The following NEDD4 variants were observed in gnomAD, a reference collection of about 807,000 sequenced individuals.
NEDD4 encodes E3 ubiquitin-protein ligase NEDD4.
A neutral mutation model predicts 144.9 loss-of-function variants in NEDD4; 99 were observed. The observed-to-expected ratio is 0.68, with a 90% CI of 0.58 to 0.81. The LOEUF (loss-of-function observed/expected upper bound fraction) is 0.81. Ranked by LOEUF, NEDD4 falls within the 30% of genes least tolerant of loss-of-function variation. The pLI is 0.00. For missense variants in NEDD4, 985 were observed against 1,065.9 expected, an observed-to-expected ratio of 0.92 and a Z score of 1.06; for synonymous variants, 318 against 350.6, an observed-to-expected ratio of 0.91 and a Z score of 1.04.
chr15:55,927,154 G>A (rs2036690116), intron 4 of NEDD4, among the ~76,000 whole-genome samples: 2 of 149,988 alleles, frequency 1.3e-5, no homozygotes, highest in African/African-American at 2.5e-5. Context: ...AGAAGATGTA[G>A]AAGAACTTTT....
intron 5 of NEDD4, among the ~76,000 whole-genome samples, chr15:55,906,435 T>C (rs1305475535): frequency 6.6e-6 from 1 of 152,150 alleles, no homozygotes; most frequent in East Asian, 1.9e-4. Flanking sequence ...ATATACACCA[T>C]GGAATACTAT....
intron 24 of NEDD4, among the ~76,000 whole-genome samples, 155 bp from the exon 25 acceptor site, chr15:55,834,441 A>C (rs559783686): frequency 6.6e-6 from 1 of 152,338 alleles, no homozygotes; most frequent in Admixed American, 6.5e-5. Context: ...TATTGGCCAG[A>C]AAATGTACAT....
At chr15:55,985,361 A>G (rs1244800503) in intron 1 of NEDD4, among the ~76,000 whole-genome samples, 1 of 152,192 alleles carries the variant, frequency 6.6e-6, no homozygotes, top group African/African-American at 2.4e-5. Flanking sequence ...TGAGGGGAGG[A>G]GGGAGATACC....
intron 1 of NEDD4, among the ~76,000 whole-genome samples, chr15:55,980,910 A>T (rs2037789801): frequency 6.6e-6 from 1 of 152,216 alleles, no homozygotes; most frequent in South Asian, 2.1e-4. Flanking sequence ...CAAACAAAAA[A>T]TGTGAAATAA....
intron 8 of NEDD4, among the ~76,000 whole-genome samples, chr15:55,866,705 A>G (rs571953435): frequency 6.6e-6 from 1 of 152,256 alleles, no homozygotes; most frequent in Admixed American, 6.5e-5. Flanking sequence ...ATATTATCTG[A>G]GTAAATTCAG....
At chr15:55,853,543 C>A (rs1340203812) in intron 12 of NEDD4, among the ~76,000 whole-genome samples, 2 of 152,156 alleles carry the variant, frequency 1.3e-5, no homozygotes, top group Non-Finnish European at 2.9e-5. Flanking sequence ...GAGATTTGAA[C>A]CCAGGTAATC....
chr15:55,934,294 T>C (rs1482787002), intron 4 of NEDD4, among the ~76,000 whole-genome samples: 1 of 152,254 alleles, frequency 6.6e-6, no homozygotes, highest in East Asian at 1.9e-4. Context: ...CTTGTATCAA[T>C]ACTTCATTCC....
At chr15:55,929,772 G>C (rs1397272892) in intron 4 of NEDD4, among the ~76,000 whole-genome samples, 1 of 152,218 alleles carries the variant, frequency 6.6e-6, no homozygotes, top group African/African-American at 2.4e-5. Context: ...TAGAAAAACT[G>C]TCCTCAAAGG....
At chr15:55,854,760 A>G (rs2034126681) in intron 12 of NEDD4, among the ~76,000 whole-genome samples, 1 of 152,022 alleles carries the variant, frequency 6.6e-6, no homozygotes, top group East Asian at 1.9e-4. Context: ...TGTAAATTAT[A>G]CTCCAAGAAA....
intron 1 of NEDD4, chr15:55,991,882 A>C (rs2037994197): frequency 1.3e-5 from 2 of 152,376 alleles, no homozygotes; most frequent in South Asian, 4.1e-4. Flanking sequence ...AATTAAAAAC[A>C]CTGATCATGT....
In NEDD4 at chr15:55,860,476, A is replaced by C. The variant is rs1162519645; in HGVS notation, c.891T>G (p.Leu297=). The change falls in exon 11 of 29, where the codon CTT becomes CTG. Residue 297 remains leucine, a synonymous_variant. Transcript: ENST00000435532. ...PSSNLDVPTH[L]AEELNARLTI... Reference sequence around the variant, plus strand: ...TGAGTCTGGCATTCAATTCTTCTGCAAGATGAGTTGGAACATCCAAGTTAC... The same window carrying C: ...TGAGTCTGGCATTCAATTCTTCTGCCAGATGAGTTGGAACATCCAAGTTAC... 2 of 1,614,064 alleles carry C rather than the reference A, an allele frequency of 1.2e-6. No individual in the cohort carries two copies. The highest frequency in any genetic ancestry group is 1.7e-6 in the Non-Finnish European group (2 of 1,180,010).
At chr15:55,873,860 GATAA>G (rs1393507927) in intron 6 of NEDD4, 94 bp downstream of exon 6, 1 of 521,592 alleles carries the variant, frequency 1.9e-6, no homozygotes, top group African/African-American at 2.0e-5. Flanking sequence ...GTATACATTT[GATAA>G]ATCAATTATT....
At chr15:55,966,160 T>C (rs2037509358) in intron 2 of NEDD4, among the ~76,000 whole-genome samples, 1 of 152,222 alleles carries the variant, frequency 6.6e-6, no homozygotes, top group African/African-American at 2.4e-5. Flanking sequence ...AGGTTGCTGC[T>C]TTTTGTATTA....
At chr15:55,850,937 A>C (rs1410456463) in intron 13 of NEDD4, among the ~76,000 whole-genome samples, 195 bp from the exon 14 acceptor site, 1 of 152,192 alleles carries the variant, frequency 6.6e-6, no homozygotes, top group Non-Finnish European at 1.5e-5. Flanking sequence ...CATTACATTT[A>C]ATAACATTTT....
At chr15:55,961,325 G>C (rs1566970033) in intron 2 of NEDD4, among the ~76,000 whole-genome samples, 1 of 151,388 alleles carries the variant, frequency 6.6e-6, no homozygotes, top group Non-Finnish European at 1.5e-5. Context: ...GAAAAAATTA[G>C]AAAAAAAGTA....
intron 5 of NEDD4, among the ~76,000 whole-genome samples, chr15:55,892,542 T>G (rs993271493): frequency 7.2e-5 from 11 of 152,138 alleles, no homozygotes; most frequent in Non-Finnish European, 1.5e-4. Flanking sequence ...GTTTTCAGAT[T>G]TAGCTATCAG....
At chr15:55,905,628 A>C (rs1228572297) in intron 5 of NEDD4, among the ~76,000 whole-genome samples, 6 of 152,254 alleles carry the variant, frequency 3.9e-5, no homozygotes, top group Non-Finnish European at 8.8e-5. Flanking sequence ...TGTATTCATA[A>C]AAACAAGTAG....
In NEDD4 at chr15:55,862,984, C is replaced by T. The variant is rs2034461062; in HGVS notation, c.603G>A (p.Gln201=). 1.2e-6 allele frequency: 2 copies of T among 1,607,098 alleles called. No individual in the cohort carries two copies. The highest frequency in any genetic ancestry group is 1.7e-6 in the Non-Finnish European group (2 of 1,175,340). Reference sequence around the variant, plus strand: ...CATAATAGGTCCTTCCAAGGATATCCTGCCTCTCTTCCCACCCTGGAGGTA... The same window carrying T: ...CATAATAGGTCCTTCCAAGGATATCTTGCCTCTCTTCCCACCCTGGAGGTA... ...SPLPPGWEER[Q]DILGRTYYVN... is the part of the protein sequence containing the mutation. The change falls in exon 9 of 29, where the codon CAG becomes CAA. Residue 201 remains glutamine (Q), a synonymous_variant. Coordinates refer to ENST00000435532, the MANE Select transcript of NEDD4 (RefSeq NM_006154.4).
chr15:55,953,738 G>A (rs7181148), intron 2 of NEDD4, among the ~76,000 whole-genome samples: 20,430 of 149,710 alleles, frequency 0.14, 1,498 homozygotes, highest in East Asian at 0.33. Context: ...CAACATGCCC[G>A]GCTTAAACTC....
Sources: allele counts gnomAD v4.1 joint callset (sites outside exome capture counted in the v4.1 genomes callset), GRCh38; gene constraint gnomAD v4.1.1; transcripts MANE v1.5; gene names NCBI Gene and HGNC (gene_info 2026-07-23, HGNC 2026-07-21).